Variants in EEIG1 observed in about 807,000 individuals in gnomAD.
EEIG1 encodes the protein estrogen-induced osteoclastogenesis regulator 1, also known as early estrogen-induced gene 1 protein.
the EEIG1 span, among the ~76,000 whole-genome samples, chr9:127,980,786 G>T: frequency 8.0e-5 from 12 of 149,902 alleles, no homozygotes; most frequent in South Asian, 2.5e-3. Flanking sequence ...CCTCAGGGCA[G>T]GCACCGGGCC....
At chr9:127,948,100 G>T in the EEIG1 span, 5 of 1,612,670 alleles carry the variant, frequency 3.1e-6, no homozygotes, top group African/African-American at 2.7e-5. Flanking sequence ...CCGAGCCTTG[G>T]GGGGCCGGGA....
At chr9:127,980,209 C>T in the EEIG1 span, 4 of 1,471,492 alleles carry the variant, frequency 2.7e-6, no homozygotes, top group African/African-American at 5.6e-5. Context: ...TTTCCCTACA[C>T]CACACCCCCT....
At chr9:127,957,429 C>T in the EEIG1 span, among the ~76,000 whole-genome samples, 3 of 152,022 alleles carry the variant, frequency 2.0e-5, no homozygotes, top group South Asian at 4.2e-4. Flanking sequence ...ATACATACTC[C>T]GGAAACTACA....
the EEIG1 span, among the ~76,000 whole-genome samples, chr9:127,948,650 A>T: frequency 6.6e-6 from 1 of 152,252 alleles, no homozygotes; most frequent in Non-Finnish European, 1.5e-5. Flanking sequence ...GGGAGGGCAT[A>T]GCAAGGTGAG....
chr9:127,942,638 G>A, the EEIG1 span: 1 of 158,950 alleles, frequency 6.3e-6, no homozygotes, highest in East Asian at 1.9e-4. Context: ...AGGACACAAG[G>A]AAGGGACAGC....
At chr9:127,971,543 G>A in the EEIG1 span, among the ~76,000 whole-genome samples, 1 of 151,692 alleles carries the variant, frequency 6.6e-6, no homozygotes, top group Admixed American at 6.6e-5. Context: ...GAGGGAATGC[G>A]GGGCGGGGGG....
chr9:127,951,807 T>A, the EEIG1 span, among the ~76,000 whole-genome samples: 3 of 94,226 alleles, frequency 3.2e-5, no homozygotes, highest in African/African-American at 4.0e-5. Flanking sequence ...ACAGCGAGAC[T>A]CCATCTCAAA....
At chr9:127,949,631 G>A in the EEIG1 span, among the ~76,000 whole-genome samples, 1 of 152,296 alleles carries the variant, frequency 6.6e-6, no homozygotes, top group African/African-American at 2.4e-5. Context: ...GGCATCTCCG[G>A]TTCCCTCTGC....
the EEIG1 span, chr9:127,942,885 G>GC: frequency 1.6e-4 from 71 of 450,464 alleles, no homozygotes; most frequent in Non-Finnish European, 1.9e-4. Flanking sequence ...CTCCAGCAGC[G>GC]CCGGTCCTTG....
the EEIG1 span, chr9:127,963,671 C>T: frequency 6.6e-6 from 1 of 152,396 alleles, no homozygotes; most frequent in African/African-American, 2.4e-5. Flanking sequence ...CCTGACCACC[C>T]TCTGACCCAT....
At chr9:127,960,135 T>C in the EEIG1 span, among the ~76,000 whole-genome samples, 13 of 151,624 alleles carry the variant, frequency 8.6e-5, no homozygotes, top group Admixed American at 6.6e-4. Context: ...CTGCTTCAGG[T>C]GGGGGGTTAG....
At chr9:127,953,281 G>T in the EEIG1 span, 1 of 456,866 alleles carries the variant, frequency 2.2e-6, no homozygotes, top group Non-Finnish European at 3.9e-6. Context: ...GGTCTGGAAA[G>T]GTCTTAATCT....
At chr9:127,964,736 G>A in the EEIG1 span, among the ~76,000 whole-genome samples, 4 of 152,318 alleles carry the variant, frequency 2.6e-5, no homozygotes, top group African/African-American at 9.6e-5. Flanking sequence ...ACGAAGCCCT[G>A]CGGGGGCAGG....
At chr9:127,945,701 G>C in the EEIG1 span, 1 of 1,592,832 alleles carries the variant, frequency 6.3e-7, no homozygotes, top group South Asian at 1.1e-5. The surrounding 1 kb of genome is among the most constrained non-coding windows in gnomAD (Gnocchi z 6.5). Context: ...AGTGGCCAGA[G>C]TGGAACACCT....
the EEIG1 span, chr9:127,945,385 A>C: frequency 1.3e-6 from 2 of 1,587,414 alleles, no homozygotes; most frequent in South Asian, 2.3e-5. The surrounding 1 kb of genome is among the most constrained non-coding windows in gnomAD (Gnocchi z 6.5). Context: ...GCGATCGGAC[A>C]GATGCAGGGG....
the EEIG1 span, chr9:127,948,479 C>T: frequency 1.3e-6 from 2 of 1,535,484 alleles, no homozygotes; most frequent in Non-Finnish European, 1.8e-6. Context: ...GCAGGGCCCC[C>T]TGCAGCCTTT....
chr9:127,951,198 G>A, the EEIG1 span, among the ~76,000 whole-genome samples: 214 of 152,274 alleles, frequency 1.4e-3, no homozygotes, highest in African/African-American at 4.8e-3. Flanking sequence ...GGGAAAGTGA[G>A]ATTGAGACGA....
chr9:127,974,469 C>A, the EEIG1 span, among the ~76,000 whole-genome samples: 5 of 152,232 alleles, frequency 3.3e-5, no homozygotes, highest in East Asian at 9.6e-4. Context: ...TTATCCCGAT[C>A]TCTTTCCTGT....
chr9:127,945,142 C>T, the EEIG1 span, among the ~76,000 whole-genome samples: 3 of 152,118 alleles, frequency 2.0e-5, no homozygotes, highest in Non-Finnish European at 4.4e-5. The surrounding 1 kb of genome is among the most constrained non-coding windows in gnomAD (Gnocchi z 6.5). Flanking sequence ...CCTAGCAGAT[C>T]GTGCTCTTGT....
Sources: allele counts gnomAD v4.1 joint callset (sites outside exome capture counted in the v4.1 genomes callset), GRCh38; gene constraint gnomAD v4.1.1; non-coding constraint Gnocchi (gnomAD v3.1); transcripts MANE v1.5; gene names NCBI Gene and HGNC (gene_info 2026-07-23, HGNC 2026-07-21).